Variants in TRPM1 observed in about 807,000 individuals in gnomAD.
TRPM1 encodes transient receptor potential cation channel subfamily M member 1.
TRPM1 carries 113 observed loss-of-function variants against 149.4 expected under a neutral mutation model. The ratio of observed to expected loss-of-function variants is 0.76; its 90% CI spans 0.65 to 0.88. The LOEUF (loss-of-function observed/expected upper bound fraction) is 0.88, where lower values mean the gene tolerates loss of function less well. Ranked by LOEUF, TRPM1 falls within the 40% of genes least tolerant of loss-of-function variation. TRPM1 has a pLI of 0.00. For missense variants in TRPM1, 1,976 were observed against 2,038.7 expected, an observed-to-expected ratio of 0.97 and a Z score of 0.59; for synonymous variants, 741 against 759.5, an observed-to-expected ratio of 0.98 and a Z score of 0.40.
rs780311381 is a variant in TRPM1, at chr15:31,031,197, G to T, written c.2953-40C>A. The T allele has an allele frequency of 2.3e-5, 37 of 1,610,744 alleles. No individual in the cohort carries two copies. In the Admixed American group the frequency reaches 5.8e-4, roughly 25 times the overall value. On this transcript the variant is annotated intron_variant, in intron 22 of 27. Transcript: ENST00000256552. ...CATTTGTCTCTCACTGTCTTGGCTTGTGGGCCAAGTTCACCCTGGCTCATT... is the reference window on the plus strand; with the variant it reads ...CATTTGTCTCTCACTGTCTTGGCTTTTGGGCCAAGTTCACCCTGGCTCATT...
intron 1 of TRPM1, among the ~76,000 whole-genome samples, chr15:31,124,241 C>T (rs112808423): frequency 1.7e-3 from 261 of 151,680 alleles, no homozygotes; most frequent in Middle Eastern, 0.017. Flanking sequence ...GCCGAGATCG[C>T]GCCATCGTGC....
intron 1 of TRPM1, among the ~76,000 whole-genome samples, chr15:31,089,377 A>G (rs1049312499): frequency 1.3e-5 from 2 of 152,198 alleles, no homozygotes; most frequent in African/African-American, 4.8e-5. Flanking sequence ...GTAAGTATCT[A>G]TGAAGTATAC....
chr15:31,035,158 C>T (rs1018471807), intron 21 of TRPM1, among the ~76,000 whole-genome samples: 4 of 152,358 alleles, frequency 2.6e-5, no homozygotes, highest in African/African-American at 9.6e-5. Flanking sequence ...GCAACTGCCA[C>T]ACGACCGGCT....
intron 1 of TRPM1, among the ~76,000 whole-genome samples, chr15:31,116,780 G>C (rs943093680): frequency 7.0e-6 from 1 of 143,096 alleles, no homozygotes; most frequent in Non-Finnish European, 1.5e-5. Context: ...AGAAAAAAAA[G>C]ATGCTGGAGG....
intron 1 of TRPM1, among the ~76,000 whole-genome samples, chr15:31,121,055 C>T (rs940771976): frequency 4.6e-5 from 7 of 151,510 alleles, no homozygotes; most frequent in African/African-American, 9.7e-5. Flanking sequence ...GGTGAAACCC[C>T]ATCTCTACTA....
rs762311684 is a variant in TRPM1 at position 31,031,118 on chromosome 15, C to T, written c.2992G>A (p.Val998Met). Residue 998 changes from valine to methionine, a missense_variant, in exon 23 of 28, where the codon GTG becomes ATG. Transcript: ENST00000256552. ...CGGGCTACTCCGAAACTCATGAGCACGACCAGCATGATGACCACAAAGTAC... is the reference window on the plus strand; with the variant it reads ...CGGGCTACTCCGAAACTCATGAGCATGACCAGCATGATGACCACAAAGTAC... ...MLYFVVIMLV[V>M]LMSFGVARQA... 2.7e-5 allele frequency: 44 copies of T among 1,614,070 alleles called. No individual in the cohort carries two copies. In the South Asian group the frequency reaches 3.0e-4, roughly 11 times the overall value.
chr15:31,061,586 T>C, intron 9 of TRPM1, 72 bp from the exon 10 acceptor site: 1 of 1,295,916 alleles, frequency 7.7e-7, no homozygotes, highest in Non-Finnish European at 1.1e-6. Context: ...TGTTACAAAA[T>C]GACCACAGAG....
At chr15:31,161,088 C>CAGCCCCACACTCGGCGGT (rs2036439770) in exon 1 of TRPM1, 1 of 922,636 alleles carries the variant, frequency 1.1e-6, no homozygotes, top group Admixed American at 2.1e-5. Context: ...CACTCGGCGG[C>CAGCCCCACACTCGGCGGT]AGCCCCACGC....
chr15:31,072,349 G>T (rs2034581784), intron 3 of TRPM1, among the ~76,000 whole-genome samples: 1 of 151,870 alleles, frequency 6.6e-6, no homozygotes, highest in African/African-American at 2.4e-5. Context: ...AGCATGTGTT[G>T]GTACTTCACT....
At chr15:31,145,923 AAAAAAAC>A (rs2036218826) in intron 1 of TRPM1, among the ~76,000 whole-genome samples, 1 of 151,978 alleles carries the variant, frequency 6.6e-6, no homozygotes, top group African/African-American at 2.4e-5. Flanking sequence ...CAGATACAAA[AAAAAAAC>A]AAAAACAAAA....
chr15:31,020,198 C>T (rs1462556563), intron 27 of TRPM1, among the ~76,000 whole-genome samples: 7 of 152,182 alleles, frequency 4.6e-5, no homozygotes, highest in Non-Finnish European at 5.9e-5. Context: ...GAAGTGAAGC[C>T]CTCATTAATA....
intron 27 of TRPM1, among the ~76,000 whole-genome samples, chr15:31,006,223 A>T (rs1188840550): frequency 6.6e-6 from 1 of 151,742 alleles, no homozygotes; most frequent in Non-Finnish European, 1.5e-5. Context: ...TGTTGCCCAG[A>T]CTAGAGTACA....
At chr15:31,090,151 C>T (rs909803256) in intron 1 of TRPM1, among the ~76,000 whole-genome samples, 2 of 152,164 alleles carry the variant, frequency 1.3e-5, no homozygotes, top group African/African-American at 2.4e-5. Flanking sequence ...GCTATTTCTT[C>T]CTGGTTCTCA....
At chr15:31,017,027 G>A (rs187010995) in intron 27 of TRPM1, among the ~76,000 whole-genome samples, 30 of 151,930 alleles carry the variant, frequency 2.0e-4, no homozygotes, top group African/African-American at 6.8e-4. Flanking sequence ...AAAGTCGGCC[G>A]GTTGTGGTGG....
At chr15:31,081,648 CA>C (rs1231269540) in intron 1 of TRPM1, among the ~76,000 whole-genome samples, 1 of 152,160 alleles carries the variant, frequency 6.6e-6, no homozygotes, top group East Asian at 1.9e-4. Flanking sequence ...CCCTCCTCCC[CA>C]ACCTCGCACC....
chr15:31,076,145 G>A (rs563649868), intron 3 of TRPM1, among the ~76,000 whole-genome samples: 2 of 152,142 alleles, frequency 1.3e-5, no homozygotes, highest in African/African-American at 4.8e-5. Context: ...AATCACTGGG[G>A]TTTAAGCAGG....
chr15:31,137,192 C>T (rs1345044295), intron 1 of TRPM1, among the ~76,000 whole-genome samples: 1 of 152,196 alleles, frequency 6.6e-6, no homozygotes, highest in Admixed American at 6.5e-5. Flanking sequence ...TAACTGATAA[C>T]AGTGGCAGTA....
rs1429948218 is a variant in TRPM1, at chr15:31,059,236, G to T, written c.1263+1308C>A. Among the ~76,000 whole-genome samples, 4 of 152,156 alleles carry T rather than the reference G, an allele frequency of 2.6e-5. No homozygotes were observed. In the East Asian group the frequency reaches 7.7e-4, roughly 29 times the overall value. ...ATCAATCAATAAAGAGTGATAAAAC[G>T]TGTTATGGCAATGTGTGGAAGCAAC... is the stretch of plus-strand genomic sequence containing the variant. On this transcript the variant is annotated intron_variant, in intron 11 of 27. Transcript: ENST00000256552.
chr15:31,100,716 A>G (rs1001527564), intron 1 of TRPM1, among the ~76,000 whole-genome samples: 4 of 152,218 alleles, frequency 2.6e-5, no homozygotes, highest in Non-Finnish European at 5.9e-5. Flanking sequence ...ATGTGTGTGT[A>G]ATGAAAAACA....
Sources: gnomAD v4.1 joint callset for allele counts (sites outside exome capture counted in the v4.1 genomes callset) on GRCh38, gnomAD v4.1.1 for gene constraint, MANE v1.5 for transcripts, NCBI Gene and HGNC (gene_info 2026-07-23, HGNC 2026-07-21) for gene names.